The following PCDHB15 variants were observed in gnomAD, a reference collection of about 807,000 sequenced individuals.
PCDHB15 encodes protocadherin beta-15.
For synonymous variants in PCDHB15, 492 were observed against 447.9 expected, an observed-to-expected ratio of 1.10 and a Z score of -1.24; for missense variants, 1,032 against 991.7, an observed-to-expected ratio of 1.04 and a Z score of -0.55.
Position 141,247,671 on chromosome 5 carries a change from C to G in PCDHB15, c.2093C>G (p.Ser698Cys). The change falls in exon 1 of 1, where the codon TCT becomes TGT. Residue 698 changes from serine (S) to cysteine (C), a missense_variant. Transcript: ENST00000231173. ...CTGGTGGTGGCATTGGCCTCGGTGT[C>G]TTCGCTCTTCCTCTTCTCGGTGTTC... ...VYLVVALASV[S>C]SLFLFSVFLF... 1 of 1,610,464 alleles carries G rather than the reference C, an allele frequency of 6.2e-7. No individual in the cohort carries two copies. The highest frequency in any genetic ancestry group is 1.1e-5 in the South Asian group (1 of 91,032).
Position 141,245,485 on chromosome 5 carries a change from T to A in PCDHB15, c.-94T>A, listed in dbSNP as rs930256181. 1.9e-6 allele frequency: 2 copies of A among 1,070,920 alleles called. No homozygotes were observed. Among genetic ancestry groups the A allele is most frequent in the African/African-American group, 3.1e-5 (2 of 63,848 alleles). 66.3% of individuals were successfully genotyped at this position (1,070,920 alleles called of 1,614,324 possible). A position where few individuals can be genotyped will look rare whatever the true frequency, so the allele number is the denominator to read the frequency against. On this transcript the variant is annotated 5_prime_UTR_variant, in exon 1 of 1. Coordinates refer to ENST00000231173, the MANE Select transcript of PCDHB15 (RefSeq NM_018935.4). ...TATTCTCCTACATTTCCGAACAGGTTATCAACGCACAGATCGATCACTGCC... is the reference window on the plus strand; with the variant it reads ...TATTCTCCTACATTTCCGAACAGGTAATCAACGCACAGATCGATCACTGCC...
At position 141,246,922 on chromosome 5, in the gene PCDHB15, C is replaced by T; in HGVS notation, c.1344C>T (p.Ala448=). 6.2e-7 allele frequency: 1 copy of T among 1,613,510 alleles called. No individual in the cohort carries two copies. The highest frequency in any genetic ancestry group is 8.5e-7 in the Non-Finnish European group (1 of 1,180,020). ...TVLVSDVNDN[A]PAFTQTSYTL... is the part of the protein sequence containing the mutation. ...TGGTGTCGGACGTCAATGACAACGC[C>T]CCCGCCTTCACCCAAACCTCCTACA... is the stretch of plus-strand genomic sequence containing the variant. The change falls in exon 1 of 1, where the codon GCC becomes GCT. Residue 448 remains alanine (A), a synonymous_variant. Transcript: ENST00000231173.
Position 141,245,949 on chromosome 5 carries a change from C to G in PCDHB15, c.371C>G (p.Thr124Arg). The G allele has an allele frequency of 6.2e-7, 1 of 1,614,132 alleles. No homozygotes were observed. The highest frequency in any genetic ancestry group is 8.5e-7 in the Non-Finnish European group (1 of 1,180,038). ...GTATTTCGAGCTGAACTACTAGTGA[C>G]AGACATAAACGATCATTCTCCTGAG... ...LEVFRAELLVTDINDHSPEFP... is the reference protein window; with the variant it reads ...LEVFRAELLVRDINDHSPEFP... The change falls in exon 1 of 1, where the codon ACA becomes AGA. Residue 124 changes from threonine to arginine, a missense_variant. Coordinates refer to ENST00000231173, the MANE Select transcript of PCDHB15 (RefSeq NM_018935.4).
At position 141,246,454 on chromosome 5, in the gene PCDHB15, T is replaced by G. The variant is rs1755264100; in HGVS notation, c.876T>G (p.Phe292Leu). ...YYSSQEIDKP[F>L]ELSSLSGEIR... ...GCTCTCAGGAGATAGACAAACCTTT[T>G]GAGCTAAGCAGCCTTTCAGGAGAAA... Residue 292 changes from phenylalanine to leucine, a missense_variant, in exon 1 of 1, where the codon TTT (phenylalanine) becomes TTG (leucine). Physicochemically the swap from Phe to Leu is conservative, Grantham distance 22. Transcript: ENST00000231173. 1.9e-6 allele frequency: 3 copies of G among 1,614,060 alleles called. No homozygotes were observed. The highest frequency in any genetic ancestry group is 1.7e-5 in the Admixed American group (1 of 60,012).
chr5:141,248,057 G>T lies in PCDHB15; in HGVS notation c.*115G>T. ...TTCTACTTTTTTTTAAATTTCTACTGTTGTCTTTAGTAATGTTACTCATTT... is the reference window on the plus strand; with the variant it reads ...TTCTACTTTTTTTTAAATTTCTACTTTTGTCTTTAGTAATGTTACTCATTT... On this transcript the variant is annotated 3_prime_UTR_variant, in exon 1 of 1. Transcript: ENST00000231173. 1.0e-6 allele frequency: 1 copy of T among 963,854 alleles called. No homozygotes were observed. The highest frequency in any genetic ancestry group is 2.1e-5 in the South Asian group (1 of 46,792). 59.7% of individuals were successfully genotyped at this position (963,854 alleles called of 1,614,324 possible).
chr5:141,245,459 C>T lies in PCDHB15; in HGVS notation c.-120C>T, dbSNP rs1755232012. The T allele has an allele frequency of 3.7e-6, 3 of 810,136 alleles. No individual in the cohort carries two copies. The highest frequency in any genetic ancestry group is 3.3e-4 in the Middle Eastern group (1 of 3,012). The allele number at this position is 810,136 out of a possible 1,614,324, so 50.2% of individuals were successfully genotyped here. ...CACGGACCAGTGTCTCCGGAGAATG[C>T]TATTCTCCTACATTTCCGAACAGGT... On this transcript the variant is annotated 5_prime_UTR_variant, in exon 1 of 1. Transcript: ENST00000231173.
rs1755275355 is a variant in PCDHB15, at chr5:141,246,812, G to C, written c.1234G>C (p.Glu412Gln). 1 of 1,614,174 alleles carries C rather than the reference G, an allele frequency of 6.2e-7. No homozygotes were observed. The highest frequency in any genetic ancestry group is 1.3e-5 in the African/African-American group (1 of 75,046). The change falls in exon 1 of 1, where the codon GAG becomes CAG. Residue 412 changes from glutamate to glutamine, a missense_variant. Transcript: ENST00000231173. The stretch of plus-strand genomic sequence containing the variant: ...GGTAACAGAAGGGGCGCTGGACAGA[G>C]AGACCAGAGCCGAGTACAACATCAC... ...RLVTEGALDR[E>Q]TRAEYNITIT...
At position 141,248,903 on chromosome 5, in the gene PCDHB15, G is replaced by A. The variant is rs1554292482; in HGVS notation, c.*961G>A. 6.6e-6 allele frequency: 1 copy of A among 152,140 alleles called. No individual in the cohort carries two copies. Among genetic ancestry groups the A allele is most frequent in the Non-Finnish European group, 1.5e-5 (1 of 68,026 alleles). The allele number at this position is 152,140 out of a possible 1,614,324, so 9.4% of individuals were successfully genotyped here. A position where few individuals can be genotyped will look rare whatever the true frequency, so the allele number is the denominator to read the frequency against. ...ACAAAATTTATTAAAGGATATGTTG[G>A]TGAAGGAGTTGAATTATTTGAGGAA... On this transcript the variant is annotated 3_prime_UTR_variant, in exon 1 of 1. Transcript: ENST00000231173.
chr5:141,247,178 A>C lies in PCDHB15; in HGVS notation c.1600A>C (p.Thr534Pro). 6.2e-7 allele frequency: 1 copy of C among 1,613,204 alleles called. No individual in the cohort carries two copies. The highest frequency in any genetic ancestry group is 8.5e-7 in the Non-Finnish European group (1 of 1,179,818). The change falls in exon 1 of 1, where the codon ACA (threonine) becomes CCA (proline). Residue 534 changes from threonine to proline, a missense_variant. By Grantham distance (38) the Thr-to-Pro change is conservative. Coordinates refer to ENST00000231173, the MANE Select transcript of PCDHB15 (RefSeq NM_018935.4). ...GGCTTTCGAGTTCCGCGTGGGCGCC[A>C]CAGACCGCGGCTTCCCGGCGCTGAG... is the stretch of plus-strand genomic sequence containing the variant. ...LQAFEFRVGA[T>P]DRGFPALSSE...
chr5:141,247,520 GGCGAGCCTCC>G lies in PCDHB15; in HGVS notation c.1946_1955del (p.Glu649AlafsTer88). The G allele has an allele frequency of 6.2e-7, 1 of 1,608,726 alleles. No homozygotes were observed. The highest frequency in any genetic ancestry group is 1.1e-5 in the South Asian group (1 of 90,990). On this transcript the variant is annotated frameshift_variant, in exon 1 of 1. Coordinates refer to ENST00000231173, the MANE Select transcript of PCDHB15 (RefSeq NM_018935.4). LOFTEE classifies it low-confidence loss of function (END_TRUNC). The stretch of plus-strand genomic sequence containing the variant: ...GCTAGTGGTGCTGGTCAAGGACAAT[GGCGAGCCTCC>G]GCGCTCGGCCACCGCCACGCTGCAA...
Position 141,246,400 on chromosome 5 carries a change from T to C in PCDHB15, c.822T>C (p.Asn274=). 4 of 1,613,774 alleles carry C rather than the reference T, an allele frequency of 2.5e-6. No individual in the cohort carries two copies. Among genetic ancestry groups the C allele is most frequent in the Non-Finnish European group, 3.4e-6 (4 of 1,179,668 alleles). Residue 274 remains asparagine, a synonymous_variant, in exon 1 of 1, where the codon AAT becomes AAC. Coordinates refer to ENST00000231173, the MANE Select transcript of PCDHB15 (RefSeq NM_018935.4). The stretch of plus-strand genomic sequence containing the variant: ...CTAGGGATTTAGACACTGGGACAAA[T>C]GGAGAGATATCATACTCCCTTTATT... ...VSARDLDTGT[N]GEISYSLYYS... is the part of the protein sequence containing the mutation.
chr5:141,247,682 C>T lies in PCDHB15; in HGVS notation c.2104C>T (p.Leu702Phe), dbSNP rs1755314402. ...ATTGGCCTCGGTGTCTTCGCTCTTC[C>T]TCTTCTCGGTGTTCCTGTTCGTGGC... ...VALASVSSLFLFSVFLFVAVR... is the reference protein window; with the variant it reads ...VALASVSSLFFFSVFLFVAVR... Residue 702 changes from leucine to phenylalanine, a missense_variant, in exon 1 of 1, where the codon CTC (leucine) becomes TTC (phenylalanine). Transcript: ENST00000231173. The T allele has an allele frequency of 2.5e-6, 4 of 1,611,002 alleles. No individual in the cohort carries two copies. Among genetic ancestry groups the T allele is most frequent in the South Asian group, 1.1e-5 (1 of 91,052 alleles).
chr5:141,247,690 G>T lies in PCDHB15; in HGVS notation c.2112G>T (p.Ser704=). ...LASVSSLFLF[S]VFLFVAVRLC... ...CGGTGTCTTCGCTCTTCCTCTTCTC[G>T]GTGTTCCTGTTCGTGGCAGTGCGGC... is the stretch of plus-strand genomic sequence containing the variant. The change falls in exon 1 of 1, where the codon TCG becomes TCT. Residue 704 remains serine (S), a synonymous_variant. Coordinates refer to ENST00000231173, the MANE Select transcript of PCDHB15 (RefSeq NM_018935.4). The T allele has an allele frequency of 3.7e-6, 6 of 1,611,312 alleles. No individual in the cohort carries two copies. Among genetic ancestry groups the T allele is most frequent in the Non-Finnish European group, 5.1e-6 (6 of 1,179,926 alleles).
chr5:141,247,609 C>A lies in PCDHB15; in HGVS notation c.2031C>A (p.Ala677=). The change falls in exon 1 of 1, where the codon GCC becomes GCA. Residue 677 remains alanine (A), a synonymous_variant. Coordinates refer to ENST00000231173, the MANE Select transcript of PCDHB15 (RefSeq NM_018935.4). ...CCTACCTGCCGCTCCCAGAGGCGGC[C>A]CCGGCCCAAGCCCAGGCCGACTCGC... ...SQPYLPLPEA[A]PAQAQADSLT... 1.2e-6 allele frequency: 2 copies of A among 1,610,342 alleles called. No homozygotes were observed. The highest frequency in any genetic ancestry group is 8.5e-7 in the Non-Finnish European group (1 of 1,179,802).
At position 141,248,933 on chromosome 5, in the gene PCDHB15, C is replaced by G. The variant is rs1336419900; in HGVS notation, c.*991C>G. 1 of 152,146 alleles carries G rather than the reference C, an allele frequency of 6.6e-6. No homozygotes were observed. Among genetic ancestry groups the G allele is most frequent in the Non-Finnish European group, 1.5e-5 (1 of 68,028 alleles). The allele number at this position is 152,146 out of a possible 1,614,324, so 9.4% of individuals were successfully genotyped here. A position where few individuals can be genotyped will look rare whatever the true frequency, so the allele number is the denominator to read the frequency against. On this transcript the variant is annotated 3_prime_UTR_variant, in exon 1 of 1. Transcript: ENST00000231173. ...GGAGTTGAATTATTTGAGGAAAAAACATCTGCTCTCTTGTCAGGACTTTTC... is the reference window on the plus strand; with the variant it reads ...GGAGTTGAATTATTTGAGGAAAAAAGATCTGCTCTCTTGTCAGGACTTTTC...
rs1755235420 is a variant in PCDHB15 at position 141,245,596 on chromosome 5, G to A, written c.18G>A (p.Glu6=). Residue 6 remains glutamate (E), a synonymous_variant, in exon 1 of 1, where the codon GAG becomes GAA. Coordinates refer to ENST00000231173, the MANE Select transcript of PCDHB15 (RefSeq NM_018935.4). ...AAGTAAAGATGGAGCCTGCAGGGGA[G>A]CGCTTTCCCGAACAAAGGCAAGTCC... MEPAG[E]RFPEQRQVLI... 2 of 1,614,220 alleles carry A rather than the reference G, an allele frequency of 1.2e-6. No homozygotes were observed. Among genetic ancestry groups the A allele is most frequent in the Non-Finnish European group, 1.7e-6 (2 of 1,180,022 alleles).
rs782560047 is a variant in PCDHB15, at chr5:141,247,792, C to T, written c.2214C>T (p.Asp738=). The change falls in exon 1 of 1, where the codon GAC becomes GAT. Residue 738 remains aspartate, a synonymous_variant. Coordinates refer to ENST00000231173, the MANE Select transcript of PCDHB15 (RefSeq NM_018935.4). The part of the protein sequence containing the change: ...PEGPFPGHLV[D]VSGTGTLSQS... ...GCCCCTTTCCAGGGCATCTGGTGGA[C>T]GTGAGCGGCACCGGGACCCTTTCCC... The T allele has an allele frequency of 3.7e-6, 6 of 1,614,094 alleles. No homozygotes were observed. The East Asian group carries it at 6.7e-5, about 18-fold the overall frequency.
In PCDHB15 at chr5:141,246,802, G is replaced by A. The variant is rs2149695522; in HGVS notation, c.1224G>A (p.Ala408=). 1 of 1,614,118 alleles carries A rather than the reference G, an allele frequency of 6.2e-7. No individual in the cohort carries two copies. The highest frequency in any genetic ancestry group is 8.5e-7 in the Non-Finnish European group (1 of 1,180,008). Residue 408 remains alanine, a synonymous_variant, in exon 1 of 1, where the codon GCG becomes GCA. Transcript: ENST00000231173. ...ENFYRLVTEG[A]LDRETRAEYN... The stretch of plus-strand genomic sequence containing the variant: ...TCTACAGGCTGGTAACAGAAGGGGC[G>A]CTGGACAGAGAGACCAGAGCCGAGT...
Position 141,247,129 on chromosome 5 carries a change from G to A in PCDHB15, c.1551G>A (p.Gln517=). 5 of 1,613,914 alleles carry A rather than the reference G, an allele frequency of 3.1e-6. No individual in the cohort carries two copies. The highest frequency in any genetic ancestry group is 4.2e-6 in the Non-Finnish European group (5 of 1,179,916). The stretch of plus-strand genomic sequence containing the variant: ...ACAACGGCCACCTGTTCGCTCTCCA[G>A]TCGCTGGACTACGAGGCCCTGCAGG... ...NTDNGHLFAL[Q]SLDYEALQAF... Residue 517 remains glutamine (Q), a synonymous_variant, in exon 1 of 1, where the codon CAG becomes CAA. Coordinates refer to ENST00000231173, the MANE Select transcript of PCDHB15 (RefSeq NM_018935.4).
Sources: allele counts gnomAD v4.1 joint callset, GRCh38; gene constraint gnomAD v4.1.1; transcripts MANE v1.5; gene names NCBI Gene and HGNC (gene_info 2026-07-23, HGNC 2026-07-21).